The following TCF12 variants were observed in gnomAD, a reference collection of about 807,000 sequenced individuals.
TCF12 encodes the protein transcription factor 12.
Under a neutral mutation model 86.0 loss-of-function variants are expected in TCF12, and 45 were observed. That is an observed-to-expected ratio of 0.52 (90% confidence interval 0.41 to 0.67). The LOEUF (loss-of-function observed/expected upper bound fraction) is 0.67, where lower values mean the gene tolerates loss of function less well. Ranked by LOEUF, TCF12 falls within the 30% of genes least tolerant of loss-of-function variation. The pLI is 0.00. For missense variants in TCF12, 881 were observed against 859.9 expected (o/e 1.02, Z -0.31); for synonymous variants, 330 against 299.6 (o/e 1.10, Z -1.05).
chr15:56,946,474 T>G (rs2061002776), intron 3 of TCF12, among the ~76,000 whole-genome samples: 1 of 152,138 alleles, frequency 6.6e-6, no homozygotes, highest in Non-Finnish European at 1.5e-5. Context: ...CTCAAGATAT[T>G]CCTGTTTTTC....
intron 4 of TCF12, among the ~76,000 whole-genome samples, chr15:57,089,111 C>T (rs758875468): frequency 7.9e-5 from 12 of 152,176 alleles, no homozygotes; most frequent in Non-Finnish European, 1.8e-4. Flanking sequence ...CATTTTGCAA[C>T]TCTATTTGTC....
chr15:57,253,226 G>T (rs759091897), intron 15 of TCF12, 36 bp from the exon 16 acceptor site: 1 of 1,607,394 alleles, frequency 6.2e-7, no homozygotes, highest in Non-Finnish European at 8.5e-7. Flanking sequence ...ACAGATGCCA[G>T]CAATAACCAC....
intron 4 of TCF12, among the ~76,000 whole-genome samples, chr15:57,066,656 G>C (rs1436982089): frequency 6.6e-6 from 1 of 152,106 alleles, no homozygotes; most frequent in Non-Finnish European, 1.5e-5. Context: ...TAATTTGTTG[G>C]AGATACAATA....
At position 57,079,694 on chromosome 15, in the gene TCF12, T is replaced by G. The variant is rs536009711; in HGVS notation, c.223-12095T>G. 6.6e-5 allele frequency among the ~76,000 whole-genome samples: 10 copies of G among 152,200 alleles called. No individual in the cohort carries two copies. In the East Asian group the frequency reaches 1.7e-3, roughly 26 times the overall value. On this transcript the variant is annotated intron_variant, in intron 4 of 20. Transcript: ENST00000333725. The stretch of plus-strand genomic sequence containing the variant: ...TCCTCAGCCTTGTTCTCTAACGTGG[T>G]TAGAGAAGGAAATGCCTTTACTTAC...
intron 5 of TCF12, among the ~76,000 whole-genome samples, chr15:57,107,974 ATTTTTAAAC>A (rs1374062299): frequency 2.0e-5 from 3 of 152,182 alleles, no homozygotes; most frequent in African/African-American, 7.2e-5. Flanking sequence ...AGTCAAGAAT[ATTTTTAAAC>A]TTTTATTTTT....
chr15:57,143,753 A>G (rs149021071), intron 5 of TCF12, among the ~76,000 whole-genome samples: 33 of 152,296 alleles, frequency 2.2e-4, no homozygotes, highest in Non-Finnish European at 2.6e-4. Flanking sequence ...GAGTTTGTAT[A>G]CCTAACTTGG....
intron 3 of TCF12, among the ~76,000 whole-genome samples, chr15:56,997,075 A>G (rs1187092899): frequency 6.6e-6 from 1 of 152,172 alleles, no homozygotes; most frequent in African/African-American, 2.4e-5. Context: ...AGATTTCTCA[A>G]AGACCTGGGA....
intron 8 of TCF12, among the ~76,000 whole-genome samples, chr15:57,230,879 G>T (rs1322285512): frequency 6.6e-6 from 1 of 151,618 alleles, no homozygotes; most frequent in Non-Finnish European, 1.5e-5. Context: ...TGCTTATTCA[G>T]TCACTTGGTG....
At position 57,288,222 on chromosome 15, in the gene TCF12, A is replaced by G. The variant is rs1468681970; in HGVS notation, c.*2077A>G. On this transcript the variant is annotated 3_prime_UTR_variant, in exon 21 of 21. Transcript: ENST00000333725. ...TTACCATAACCTGTTCATTAATATC[A>G]GAAATTTACAATAGCATTTTAAGAC... 1 of 152,638 alleles carries G rather than the reference A, an allele frequency of 6.6e-6. No homozygotes were observed. Among genetic ancestry groups the G allele is most frequent in the Non-Finnish European group, 1.5e-5 (1 of 68,036 alleles). 9.5% of individuals were successfully genotyped at this position (152,638 alleles called of 1,614,324 possible).
intron 4 of TCF12, among the ~76,000 whole-genome samples, chr15:57,077,014 A>G (rs1217656208): frequency 1.3e-5 from 2 of 152,166 alleles, no homozygotes; most frequent in Non-Finnish European, 2.9e-5. Context: ...TATTGATTTT[A>G]TCTTCACACC....
intron 4 of TCF12, chr15:57,072,779 CTTCTGAATG>C (rs2069517841): frequency 9.1e-7 from 1 of 1,103,082 alleles, no homozygotes; most frequent in Non-Finnish European, 1.2e-6. Flanking sequence ...GTAACTGCTC[CTTCTGAATG>C]TTCTGAATGT....
intron 6 of TCF12, among the ~76,000 whole-genome samples, chr15:57,187,600 A>G (rs554153381): frequency 1.3e-5 from 2 of 152,270 alleles, no homozygotes; most frequent in East Asian, 3.9e-4. Flanking sequence ...GTCCTGGGCC[A>G]CGTAACCCAC....
intron 5 of TCF12, among the ~76,000 whole-genome samples, chr15:57,113,790 A>AAG (rs1198725276): frequency 3.4e-5 from 4 of 116,064 alleles, no homozygotes; most frequent in African/African-American, 8.2e-5. Flanking sequence ...AAAAAAAAAA[A>AAG]AAAAAAAAAA....
At chr15:57,131,555 A>T (rs1167798622) in intron 5 of TCF12, among the ~76,000 whole-genome samples, 1 of 152,218 alleles carries the variant, frequency 6.6e-6, no homozygotes, top group Admixed American at 6.5e-5. Context: ...TTGTATCCTC[A>T]TAAAAGCAAT....
chr15:56,977,832 T>C (rs1320458501), intron 3 of TCF12, among the ~76,000 whole-genome samples: 6 of 152,158 alleles, frequency 3.9e-5, no homozygotes, highest in African/African-American at 9.7e-5. Context: ...GTAGCACATA[T>C]CAGAATCACC....
At chr15:57,040,431 G>A (rs1260741145) in intron 3 of TCF12, among the ~76,000 whole-genome samples, 2 of 152,184 alleles carry the variant, frequency 1.3e-5, no homozygotes, top group Non-Finnish European at 2.9e-5. Context: ...TGCATAACCT[G>A]ACTGAAATGT....
chr15:57,197,649 G>A (rs2057337627), intron 7 of TCF12, 124 bp from the exon 8 acceptor site: 1 of 992,542 alleles, frequency 1.0e-6, no homozygotes, highest in South Asian at 1.6e-5. Context: ...ACTGTATTTT[G>A]CTGCTTACTC....
intron 5 of TCF12, among the ~76,000 whole-genome samples, chr15:57,141,295 A>G (rs1360469579): frequency 6.6e-6 from 1 of 152,206 alleles, no homozygotes; most frequent in African/African-American, 2.4e-5. Flanking sequence ...ATGACAGGAA[A>G]CACTCTTCAG....
chr15:57,157,843 A>G (rs1319576116), intron 5 of TCF12, among the ~76,000 whole-genome samples: 3 of 152,094 alleles, frequency 2.0e-5, no homozygotes, highest in Non-Finnish European at 2.9e-5. Flanking sequence ...GATTACAGGC[A>G]TTAGCCACCG....
Sources: allele counts gnomAD v4.1 joint callset (sites outside exome capture counted in the v4.1 genomes callset), GRCh38; gene constraint gnomAD v4.1.1; transcripts MANE v1.5; gene names NCBI Gene and HGNC (gene_info 2026-07-23, HGNC 2026-07-21).